PTPRD: variants seen among roughly 807,000 people sequenced by gnomAD.
PTPRD encodes the protein receptor-type tyrosine-protein phosphatase delta.
A neutral mutation model predicts 214.5 loss-of-function variants in PTPRD; 34 were observed. The observed-to-expected ratio is 0.16, with a 90% CI of 0.12 to 0.21. The LOEUF is 0.21. Ranked by LOEUF, PTPRD falls within the 10% of genes least tolerant of loss-of-function variation. The probability of loss-of-function intolerance (pLI) is 1.00; values close to 1 mark genes in which losing one functional copy is unlikely to be tolerated. For synonymous variants in PTPRD, 1,128 were observed against 845.7 expected, an observed-to-expected ratio of 1.33 and a Z score of -5.79; for missense variants, 2,545 against 2,398.7, an observed-to-expected ratio of 1.06 and a Z score of -1.27.
At chr9:10,049,722 C>T (rs2097490966) in intron 3 of PTPRD, among the ~76,000 whole-genome samples, 1 of 152,128 alleles carries the variant, frequency 6.6e-6, no homozygotes, top group Non-Finnish European at 1.5e-5. Context: ...GATTTTATTT[C>T]AAATATTTTT....
At chr9:10,511,490 G>A (rs533185346) in intron 2 of PTPRD, among the ~76,000 whole-genome samples, 5 of 151,732 alleles carry the variant, frequency 3.3e-5, no homozygotes, top group Non-Finnish European at 5.9e-5. Context: ...TGCAACTTCT[G>A]CCTCCTGGGT....
rs187501884 is a variant in PTPRD, at chr9:9,155,710, T to C, written c.-143+27594A>G. On this transcript the variant is annotated intron_variant, in intron 10 of 45. Coordinates refer to ENST00000381196, the MANE Select transcript of PTPRD (RefSeq NM_002839.4). ...CTGGGCCAATGTTTGCTTGGATTCA[T>C]GGATAATCATCGACCTACATCAAAT... Among the ~76,000 whole-genome samples the C allele has an allele frequency of 5.4e-4, 82 of 152,322 alleles. 1 individual carries two copies. In the South Asian group the frequency reaches 9.3e-3, roughly 17 times the overall value.
At chr9:9,585,793 T>C (rs1017845671) in intron 7 of PTPRD, among the ~76,000 whole-genome samples, 1 of 151,996 alleles carries the variant, frequency 6.6e-6, no homozygotes, top group Non-Finnish European at 1.5e-5. Context: ...CAGCCATGCA[T>C]CATTTGCATT....
chr9:8,389,245 T>A lies in PTPRD; in HGVS notation c.4373A>T (p.Glu1458Val). The change falls in exon 37 of 46, where the codon GAA becomes GTA. Residue 1458 changes from glutamate (E) to valine (V), a missense_variant. Physicochemically the swap from Glu to Val is moderately radical, Grantham distance 121. Coordinates refer to ENST00000381196, the MANE Select transcript of PTPRD (RefSeq NM_002839.4). ...SATVVMMTKL[E>V]ERSRVKCDQY... is the part of the protein sequence containing the mutation. ...ACTTATTCTTACCCTTGATCTTTCT[T>A]CTAGTTTTGTCATCATGACAACTGT... is the stretch of plus-strand genomic sequence containing the variant. 6.2e-7 allele frequency: 1 copy of A among 1,609,534 alleles called. No individual in the cohort carries two copies. Among genetic ancestry groups the A allele is most frequent in the South Asian group, 1.1e-5 (1 of 90,222 alleles).
intron 9 of PTPRD, among the ~76,000 whole-genome samples, chr9:9,262,542 G>C (rs1379199850): frequency 6.6e-6 from 1 of 151,080 alleles, no homozygotes; most frequent in African/African-American, 2.4e-5. Flanking sequence ...GATTGTCCAA[G>C]ATATGCCTTT....
rs1054124600 is a variant in PTPRD, at chr9:9,864,357, A to T, written c.-368+74150T>A. Among the ~76,000 whole-genome samples the T allele has an allele frequency of 3.9e-5, 6 of 152,090 alleles. No individual in the cohort carries two copies. In the South Asian group the frequency reaches 1.2e-3, roughly 31 times the overall value. On this transcript the variant is annotated intron_variant, in intron 5 of 45. Transcript: ENST00000381196. ...AAAAAAAAAAAGTTTTGTGGGATAT[A>T]CAGATATAGCTATGAAGTAAGAAGT...
rs1037879858 is a variant in PTPRD, at chr9:8,768,989, G to A, written c.-103-35043C>T. ...TTTCCCGTGTTTCAAGGGTGTTTGTGTACATGGCAGGGAGGCACAGGGGAG... is the reference window on the plus strand; with the variant it reads ...TTTCCCGTGTTTCAAGGGTGTTTGTATACATGGCAGGGAGGCACAGGGGAG... On this transcript the variant is annotated intron_variant, in intron 11 of 45. Coordinates refer to ENST00000381196, the MANE Select transcript of PTPRD (RefSeq NM_002839.4). Among the ~76,000 whole-genome samples the A allele has an allele frequency of 2.0e-5, 3 of 152,176 alleles. No homozygotes were observed. The South Asian group carries it at 6.2e-4, about 32-fold the overall frequency.
intron 3 of PTPRD, among the ~76,000 whole-genome samples, chr9:10,159,776 A>G (rs748806378): frequency 4.3e-4 from 65 of 152,092 alleles, no homozygotes; most frequent in South Asian, 4.2e-4. Flanking sequence ...ATAATTACTG[A>G]GCTCGAAGAA....
At chr9:9,470,116 G>C (rs1014904935) in intron 8 of PTPRD, among the ~76,000 whole-genome samples, 2 of 152,208 alleles carry the variant, frequency 1.3e-5, no homozygotes, top group African/African-American at 4.8e-5. Flanking sequence ...TGGCCAGGCT[G>C]TCAGGTCACA....
chr9:9,396,682 C>A (rs982241193), intron 9 of PTPRD, among the ~76,000 whole-genome samples: 2 of 151,992 alleles, frequency 1.3e-5, no homozygotes, highest in Non-Finnish European at 2.9e-5. Flanking sequence ...TACAAAGACA[C>A]TCTTTCATAA....
At position 8,504,328 on chromosome 9, in the gene PTPRD, C is replaced by T. The variant is rs2137226750; in HGVS notation, c.1755G>A (p.Leu585=). ...LKPNSLYYFR[L]AARSPQGLGA... ...CCAGGCCTTGAGGGGAGCGTGCAGC[C>T]AGACGGAAATAGTATAAGCTGTTTG... Residue 585 remains leucine, a synonymous_variant, in exon 23 of 46, where the codon CTG becomes CTA. Transcript: ENST00000381196. 1 of 1,614,118 alleles carries T rather than the reference C, an allele frequency of 6.2e-7. No homozygotes were observed. Among genetic ancestry groups the T allele is most frequent in the Non-Finnish European group, 8.5e-7 (1 of 1,179,992 alleles).
At chr9:8,773,358 T>G (rs920867020) in intron 11 of PTPRD, among the ~76,000 whole-genome samples, 4 of 152,144 alleles carry the variant, frequency 2.6e-5, no homozygotes, top group Admixed American at 1.3e-4. Context: ...CTCAGGAGTT[T>G]GCCAAGTTTT....
intron 9 of PTPRD, among the ~76,000 whole-genome samples, chr9:9,341,107 G>T (rs1030826794): frequency 4.8e-5 from 7 of 144,914 alleles, no homozygotes; most frequent in African/African-American, 1.9e-4. Context: ...AAATAAAATT[G>T]TAGTAAATAT....
chr9:9,089,375 G>T (rs931495509), intron 10 of PTPRD, among the ~76,000 whole-genome samples: 10 of 152,108 alleles, frequency 6.6e-5, no homozygotes, highest in African/African-American at 2.4e-4. Context: ...TGCTACTATG[G>T]GCACAGTGCT....
chr9:10,189,924 C>T (rs1010615711), intron 3 of PTPRD, among the ~76,000 whole-genome samples: 7 of 151,724 alleles, frequency 4.6e-5, no homozygotes, highest in South Asian at 2.1e-4. Flanking sequence ...AAACAGAGCA[C>T]GGAAGAGAAA....
At chr9:8,330,599 T>G (rs983358909) in intron 44 of PTPRD, among the ~76,000 whole-genome samples, 1 of 152,138 alleles carries the variant, frequency 6.6e-6, no homozygotes, top group African/African-American at 2.4e-5. Context: ...AGATAAAGGT[T>G]TGCTTCTTAT....
chr9:10,035,711 G>A (rs1404918914), intron 3 of PTPRD, among the ~76,000 whole-genome samples: 2 of 151,746 alleles, frequency 1.3e-5, no homozygotes, highest in African/African-American at 2.4e-5. Context: ...CAATCTTACA[G>A]TCCATTTCCC....
chr9:9,509,406 C>A (rs1454086812), intron 8 of PTPRD, among the ~76,000 whole-genome samples: 1 of 151,410 alleles, frequency 6.6e-6, no homozygotes, highest in Non-Finnish European at 1.5e-5. Context: ...AGCCAGCAAG[C>A]CTCCTAGATA....
intron 2 of PTPRD, among the ~76,000 whole-genome samples, chr9:10,510,011 GATATA>G (rs1453811562): frequency 2.0e-5 from 3 of 151,890 alleles, no homozygotes; most frequent in Admixed American, 6.6e-5. Context: ...GAGTTCTTAT[GATATA>G]ATATATTTAA....
Sources: allele counts gnomAD v4.1 joint callset (sites outside exome capture counted in the v4.1 genomes callset), GRCh38; gene constraint gnomAD v4.1.1; transcripts MANE v1.5; gene names NCBI Gene and HGNC (gene_info 2026-07-23, HGNC 2026-07-21).